Variants in AGAP1 observed in about 807,000 individuals in gnomAD.
AGAP1 encodes the protein ArfGAP with GTPase domain, ankyrin repeat and PH domain 1.
A neutral mutation model predicts 105.3 loss-of-function variants in AGAP1; 29 were observed. That is an observed-to-expected ratio of 0.28 (90% CI 0.21 to 0.38). The LOEUF is 0.38. Ranked by LOEUF, AGAP1 falls within the 10% of genes least tolerant of loss-of-function variation. The probability of loss-of-function intolerance (pLI) is 1.00; values close to 1 mark genes in which losing one functional copy is unlikely to be tolerated. For synonymous variants in AGAP1, 509 were observed against 485.9 expected (o/e 1.05, Z -0.63); for missense variants, 998 against 1,165.1 (o/e 0.86, Z 2.09).
At position 235,986,770 on chromosome 2, in the gene AGAP1, A is replaced by G. The variant is rs1386684687; in HGVS notation, c.1645+18147A>G. ...TTTGGTTCTGTTTATGTGATGATTTATGTTTATTGATTTGTGTATGTTGAA... is the reference window on the plus strand; with the variant it reads ...TTTGGTTCTGTTTATGTGATGATTTGTGTTTATTGATTTGTGTATGTTGAA... On this transcript the variant is annotated intron_variant, in intron 13 of 17. Transcript: ENST00000304032. Among the ~76,000 whole-genome samples, 3 of 152,144 alleles carry G rather than the reference A, an allele frequency of 2.0e-5. No homozygotes were observed. In the East Asian group the frequency reaches 5.8e-4, roughly 29 times the overall value.
In AGAP1 at chr2:235,824,692, A is replaced by G. The variant is rs539427349; in HGVS notation, c.1050+17361A>G. Among the ~76,000 whole-genome samples, 2 of 152,268 alleles carry G rather than the reference A, an allele frequency of 1.3e-5. No homozygotes were observed. Among genetic ancestry groups the G allele is most frequent in the South Asian group, 4.1e-4 (2 of 4,826 alleles). ...TTCAGTTAACAGTGACTATTCCCAGAGCAATAAAAATATATTCCACATGTA... is the reference window on the plus strand; with the variant it reads ...TTCAGTTAACAGTGACTATTCCCAGGGCAATAAAAATATATTCCACATGTA... On this transcript the variant is annotated intron_variant, in intron 9 of 17. Coordinates refer to ENST00000304032, the MANE Select transcript of AGAP1 (RefSeq NM_001037131.3). The surrounding 1 kb of genome is among the most constrained non-coding windows in gnomAD (Gnocchi z 5.2).
In AGAP1 at chr2:235,968,542, C is replaced by T; in HGVS notation, c.1564C>T (p.Pro522Ser). ...CCCCAAGCTCGACCCGCCCCCCTCC[C>T]CTCACGCCAACAGAAAGAAGCACCG... ...TSPKLDPPPSPHANRKKHRRK... is the reference protein window; with the variant it reads ...TSPKLDPPPSSHANRKKHRRK... The change falls in exon 13 of 18, where the codon CCT becomes TCT. Residue 522 changes from proline (P) to serine (S), a missense_variant. Pro to Ser is a moderately conservative substitution (Grantham distance 74, BLOSUM62 -1). Coordinates refer to ENST00000304032, the MANE Select transcript of AGAP1 (RefSeq NM_001037131.3). 1 of 1,064,210 alleles carries T rather than the reference C, an allele frequency of 9.4e-7. No homozygotes were observed. Among genetic ancestry groups the T allele is most frequent in the Non-Finnish European group, 1.3e-6 (1 of 756,398 alleles). The allele number at this position is 1,064,210 out of a possible 1,614,324, so 65.9% of individuals were successfully genotyped here.
At chr2:235,726,054 G>A (rs1218501315) in intron 3 of AGAP1, among the ~76,000 whole-genome samples, 1 of 152,250 alleles carries the variant, frequency 6.6e-6, no homozygotes, top group Non-Finnish European at 1.5e-5. Context: ...AACTCAGAAT[G>A]TATTGTCCCA....
Position 235,769,846 on chromosome 2 carries a change from A to G in AGAP1, c.673+19358A>G, listed in dbSNP as rs891928195. 7.2e-5 allele frequency among the ~76,000 whole-genome samples: 11 copies of G among 152,182 alleles called. No homozygotes were observed. The highest frequency in any genetic ancestry group is 2.2e-4 in the African/African-American group (9 of 41,452). On this transcript the variant is annotated intron_variant, in intron 6 of 17. Coordinates refer to ENST00000304032, the MANE Select transcript of AGAP1 (RefSeq NM_001037131.3). The surrounding 1 kb of genome is among the most constrained non-coding windows in gnomAD (Gnocchi z 4.4). ...TGCTTTGGCACAGGGGAGGGAGGAC[A>G]TGGCCCTCGGCTGCCAAGGAGCATC...
At chr2:235,985,863 G>C (rs920842294) in intron 13 of AGAP1, among the ~76,000 whole-genome samples, 1 of 152,128 alleles carries the variant, frequency 6.6e-6, no homozygotes, top group African/African-American at 2.4e-5. Context: ...TGCTGTTTTG[G>C]TTACTGTAGC....
At chr2:235,857,157 G>A (rs1356807434) in intron 9 of AGAP1, among the ~76,000 whole-genome samples, 3 of 152,130 alleles carry the variant, frequency 2.0e-5, no homozygotes, top group South Asian at 4.1e-4. Context: ...GGTGAGCGGC[G>A]AGTGAGTGAG....
chr2:235,852,403 G>C (rs576516043), intron 9 of AGAP1, among the ~76,000 whole-genome samples: 6 of 152,352 alleles, frequency 3.9e-5, no homozygotes, highest in South Asian at 2.1e-4. Flanking sequence ...GGTGGAAAGG[G>C]GGGGGAACCC....
intron 1 of AGAP1, among the ~76,000 whole-genome samples, chr2:235,592,355 G>T (rs1006794739): frequency 6.6e-6 from 1 of 151,746 alleles, no homozygotes; most frequent in Non-Finnish European, 1.5e-5. Flanking sequence ...GCCATGTTCT[G>T]GGGGGCAGTG....
In AGAP1 at chr2:235,931,535, C is replaced by T. The variant is rs75475485; in HGVS notation, c.1483+612C>T. 0.011 allele frequency among the ~76,000 whole-genome samples: 1,634 copies of T among 152,054 alleles called. 60 individuals carry two copies. Among genetic ancestry groups the T allele is most frequent in the East Asian group, 0.086 (443 of 5,134 alleles). ...CGCCGTCTGTGTGGAGCGTGAATGA[C>T]GCAGCACCGAGGGCACCCTGGTGGC... On this transcript the variant is annotated intron_variant, in intron 12 of 17. Coordinates refer to ENST00000304032, the MANE Select transcript of AGAP1 (RefSeq NM_001037131.3). The surrounding 1 kb of genome is among the most constrained non-coding windows in gnomAD (Gnocchi z 5.6).
rs1949711381 is a variant in AGAP1, at chr2:235,691,050, T to C, written c.164-18129T>C. ...AACACTCAGATTAGTGTGCCTAGAG[T>C]GCCAAGGTGGGGGTTGTAGACAAGA... On this transcript the variant is annotated intron_variant, in intron 1 of 17. Transcript: ENST00000304032. The surrounding 1 kb of genome is among the most constrained non-coding windows in gnomAD (Gnocchi z 4.4). 6.6e-6 allele frequency among the ~76,000 whole-genome samples: 1 copy of C among 152,000 alleles called. No individual in the cohort carries two copies.
rs1164748319 is a variant in AGAP1 at position 235,614,033 on chromosome 2, T to A, written c.164-95146T>A. Among the ~76,000 whole-genome samples the A allele has an allele frequency of 1.3e-5, 2 of 151,872 alleles. No homozygotes were observed. The highest frequency in any genetic ancestry group is 2.4e-5 in the African/African-American group (1 of 41,336). On this transcript the variant is annotated intron_variant, in intron 1 of 17. Coordinates refer to ENST00000304032, the MANE Select transcript of AGAP1 (RefSeq NM_001037131.3). The surrounding 1 kb of genome is among the most constrained non-coding windows in gnomAD (Gnocchi z 4.7). Reference sequence around the variant, plus strand: ...GTTTTTTTTTTTTCCCCCTTTTGTGTGTTTTGGCCAAATACTCAAAAGCAC... The same window carrying A: ...GTTTTTTTTTTTTCCCCCTTTTGTGAGTTTTGGCCAAATACTCAAAAGCAC...
At chr2:235,676,765 G>A (rs943293433) in intron 1 of AGAP1, among the ~76,000 whole-genome samples, 1 of 152,126 alleles carries the variant, frequency 6.6e-6, no homozygotes, top group Non-Finnish European at 1.5e-5. Flanking sequence ...TTCCTGTAAT[G>A]ATTTGAAACA....
At chr2:235,678,793 A>T (rs1441021407) in intron 1 of AGAP1, among the ~76,000 whole-genome samples, 1 of 151,932 alleles carries the variant, frequency 6.6e-6, no homozygotes, top group Non-Finnish European at 1.5e-5. Flanking sequence ...AGACGTAGTA[A>T]GAGTTCTGCC....
At chr2:235,717,998 A>G (rs1951204997) in intron 3 of AGAP1, among the ~76,000 whole-genome samples, 1 of 152,198 alleles carries the variant, frequency 6.6e-6, no homozygotes, top group Admixed American at 6.5e-5. Flanking sequence ...GAATTTATAC[A>G]TAATTTGTAT....
intron 16 of AGAP1, among the ~76,000 whole-genome samples, chr2:236,103,981 G>A (rs1288981955): frequency 2.0e-5 from 3 of 152,228 alleles, no homozygotes; most frequent in Non-Finnish European, 4.4e-5. Flanking sequence ...ACCGCCTTAC[G>A]TCCTTACTAT....
At chr2:236,074,128 C>G (rs1014852236) in intron 16 of AGAP1, among the ~76,000 whole-genome samples, 1 of 152,066 alleles carries the variant, frequency 6.6e-6, no homozygotes, top group Non-Finnish European at 1.5e-5. Context: ...CCATTGCATA[C>G]CAGCTGACTC....
At chr2:235,851,446 C>T (rs770923362) in intron 9 of AGAP1, among the ~76,000 whole-genome samples, 25 of 152,242 alleles carry the variant, frequency 1.6e-4, no homozygotes, top group Non-Finnish European at 2.8e-4. Context: ...CGTCCACCAA[C>T]GCACCATGTG....
intron 1 of AGAP1, chr2:235,670,508 G>T (rs1248456578): frequency 5.6e-5 from 28 of 497,162 alleles, no homozygotes; most frequent in African/African-American, 8.2e-5. Context: ...GCCCGCGTCC[G>T]GCAGCCCCGA....
chr2:235,812,410 A>C (rs945718487), intron 9 of AGAP1, among the ~76,000 whole-genome samples: 2 of 152,166 alleles, frequency 1.3e-5, no homozygotes, highest in African/African-American at 4.8e-5. Context: ...GGCAATTGTC[A>C]ATTAAGTGAA....
Sources: gnomAD v4.1 joint callset for allele counts (sites outside exome capture counted in the v4.1 genomes callset) on GRCh38, gnomAD v4.1.1 for gene constraint, Gnocchi (gnomAD v3.1) non-coding constraint, MANE v1.5 for transcripts, NCBI Gene and HGNC (gene_info 2026-07-23, HGNC 2026-07-21) for gene names.